Variants in ALDH1A2 observed in about 807,000 individuals in gnomAD.
ALDH1A2 encodes the protein aldehyde dehydrogenase 1 family member A2.
In ALDH1A2, 27 loss-of-function variants were observed where a neutral mutation model predicts 60.3. That is an observed-to-expected ratio of 0.45 (90% CI 0.33 to 0.62). The LOEUF is 0.62. Among genes scored for constraint, ALDH1A2 ranks in the 20% least tolerant of loss-of-function variants. ALDH1A2 has a pLI of 0.02. For missense variants in ALDH1A2, 581 were observed against 643.8 expected (o/e 0.90, Z 1.06); for synonymous variants, 289 against 232.4 (o/e 1.24, Z -2.21).
At chr15:58,003,785 A>G (rs1377375831) in intron 4 of ALDH1A2, among the ~76,000 whole-genome samples, 1 of 151,932 alleles carries the variant, frequency 6.6e-6, no homozygotes, top group Non-Finnish European at 1.5e-5. Flanking sequence ...TAGGGCTGCT[A>G]TAACATTAGC....
intron 7 of ALDH1A2, among the ~76,000 whole-genome samples, chr15:57,974,916 G>A (rs1236071621): frequency 2.6e-5 from 4 of 152,198 alleles, no homozygotes; most frequent in Non-Finnish European, 4.4e-5. Context: ...AGTGTGCAAA[G>A]ATTTAAAGAT....
chr15:58,059,824 T>G (rs1266600658), intron 1 of ALDH1A2, among the ~76,000 whole-genome samples: 1 of 152,178 alleles, frequency 6.6e-6, no homozygotes, highest in African/African-American at 2.4e-5. Flanking sequence ...ATTCCATAGC[T>G]ACCCAGAATA....
At chr15:57,967,450 A>T (rs2140456604) in intron 7 of ALDH1A2, among the ~76,000 whole-genome samples, 1 of 152,150 alleles carries the variant, frequency 6.6e-6, no homozygotes, top group South Asian at 2.1e-4. Context: ...GGGTGATGTA[A>T]AGGAGACAGC....
At chr15:58,058,185 C>T (rs1180143064) in intron 1 of ALDH1A2, 1 of 926,930 alleles carries the variant, frequency 1.1e-6, no homozygotes, top group East Asian at 2.7e-5. Flanking sequence ...CAGGCAAAGC[C>T]TTCCCCTCCT....
chr15:57,986,628 A>C (rs1429698202), intron 7 of ALDH1A2, among the ~76,000 whole-genome samples: 1 of 150,876 alleles, frequency 6.6e-6, no homozygotes, highest in East Asian at 1.9e-4. Context: ...AGTCAAATTC[A>C]GAGACGACAG....
At chr15:58,017,102 A>G (rs1895810726) in intron 1 of ALDH1A2, among the ~76,000 whole-genome samples, 1 of 152,204 alleles carries the variant, frequency 6.6e-6, no homozygotes, top group Non-Finnish European at 1.5e-5. Flanking sequence ...CTTCAGATAA[A>G]TTCTGTCAGA....
chr15:58,011,726 T>C (rs1595665793), intron 3 of ALDH1A2, among the ~76,000 whole-genome samples: 1 of 152,218 alleles, frequency 6.6e-6, no homozygotes, highest in African/African-American at 2.4e-5. Context: ...GTGTATAAAA[T>C]GAAGCTTATT....
Position 58,010,635 on chromosome 15 carries a change from C to G in ALDH1A2, c.493+14G>C. 6.2e-7 allele frequency: 1 copy of G among 1,612,044 alleles called. No homozygotes were observed. The highest frequency in any genetic ancestry group is 8.5e-7 in the Non-Finnish European group (1 of 1,178,522). On this transcript the variant is annotated intron_variant, in intron 4 of 12. Transcript: ENST00000249750. ...TTCACGTTTTCCTTTTCAACGTACT[C>G]AGATTTCACATACCTACAGGAATGG...
intron 1 of ALDH1A2, 135 bp from the exon 2 acceptor site, chr15:58,014,416 G>C: frequency 1.3e-6 from 1 of 773,828 alleles, no homozygotes; most frequent in Non-Finnish European, 2.2e-6. Context: ...TGTTTTAAGA[G>C]ACCCTTCTAG....
In ALDH1A2 at chr15:58,043,505, T is replaced by C. The variant is rs191724434; in HGVS notation, c.117+22029A>G. On this transcript the variant is annotated intron_variant, in intron 1 of 12. Coordinates refer to ENST00000249750, the MANE Select transcript of ALDH1A2 (RefSeq NM_003888.4). The stretch of plus-strand genomic sequence containing the variant: ...AGTGTATGTTAACATTTCATAGCCA[T>C]TTGAATAACAGAATCTCCATGACTG... Among the ~76,000 whole-genome samples, 184 of 152,126 alleles carry C rather than the reference T, an allele frequency of 1.2e-3. 1 individual carries two copies. The highest frequency in any genetic ancestry group is 4.1e-3 in the African/African-American group (171 of 41,548).
intron 4 of ALDH1A2, among the ~76,000 whole-genome samples, chr15:58,001,933 TAAAGA>T (rs1213539960): frequency 6.6e-6 from 1 of 151,876 alleles, no homozygotes; most frequent in African/African-American, 2.4e-5. Flanking sequence ...TGGAGAAAAC[TAAAGA>T]AAAGATGAGA....
At chr15:57,991,666 CTTATAGTGA>C (rs1417476147) in intron 7 of ALDH1A2, 1 of 152,100 alleles carries the variant, frequency 6.6e-6, no homozygotes, top group Admixed American at 6.5e-5. Context: ...GTATTAATAA[CTTATAGTGA>C]TTATATGTTG....
chr15:58,014,337 A>C, intron 1 of ALDH1A2, 56 bp from the exon 2 acceptor site: 1 of 1,317,814 alleles, frequency 7.6e-7, no homozygotes. Context: ...GCAGCCAGTC[A>C]ACGGCCAAGT....
At chr15:58,001,512 C>T (rs537757844) in intron 4 of ALDH1A2, among the ~76,000 whole-genome samples, 1 of 152,044 alleles carries the variant, frequency 6.6e-6, no homozygotes, top group Non-Finnish European at 1.5e-5. Flanking sequence ...CGCCTCTCTC[C>T]CTTTCATCTA....
chr15:58,051,064 G>A (rs1250286321), intron 1 of ALDH1A2, among the ~76,000 whole-genome samples: 1 of 152,132 alleles, frequency 6.6e-6, no homozygotes, highest in Non-Finnish European at 1.5e-5. Flanking sequence ...GTTGATATAA[G>A]TAGTTAAAGA....
chr15:58,009,509 A>G (rs1176966618), intron 4 of ALDH1A2, among the ~76,000 whole-genome samples: 2 of 151,538 alleles, frequency 1.3e-5, no homozygotes, highest in Non-Finnish European at 2.9e-5. Context: ...CAATCCTGCT[A>G]CTATGCACTC....
chr15:58,056,891 A>T (rs1328466015), intron 1 of ALDH1A2, among the ~76,000 whole-genome samples: 1 of 152,130 alleles, frequency 6.6e-6, no homozygotes, highest in Admixed American at 6.6e-5. Context: ...TCTGAAGTAT[A>T]GGTGAAAATG....
intron 1 of ALDH1A2, among the ~76,000 whole-genome samples, chr15:58,046,506 A>G (rs1363054186): frequency 6.6e-6 from 1 of 152,014 alleles, no homozygotes; most frequent in Non-Finnish European, 1.5e-5. Context: ...TCCTCATAGA[A>G]CAACCTAGAA....
At chr15:58,005,839 T>C (rs1433251394) in intron 4 of ALDH1A2, among the ~76,000 whole-genome samples, 2 of 151,890 alleles carry the variant, frequency 1.3e-5, no homozygotes, top group African/African-American at 4.8e-5. Flanking sequence ...ACCTCAAGTG[T>C]TCCAGAACAT....
Sources: allele counts gnomAD v4.1 joint callset (sites outside exome capture counted in the v4.1 genomes callset), GRCh38; gene constraint gnomAD v4.1.1; transcripts MANE v1.5; gene names NCBI Gene and HGNC (gene_info 2026-07-23, HGNC 2026-07-21).